The following RNF180 variants were observed in gnomAD, a reference collection of about 807,000 sequenced individuals.
The protein encoded by RNF180 is ring finger protein 180.
A neutral mutation model predicts 59.2 loss-of-function variants in RNF180; 38 were observed. The ratio of observed to expected loss-of-function variants is 0.64; its 90% CI spans 0.50 to 0.84. The LOEUF (loss-of-function observed/expected upper bound fraction) is 0.84, where lower values mean the gene tolerates loss of function less well. RNF180 is among the 40% of genes least tolerant of loss of function. The probability of loss-of-function intolerance (pLI) is 0.00; values close to 1 mark genes in which losing one functional copy is unlikely to be tolerated. For missense variants in RNF180, 705 were observed against 700.9 expected (o/e 1.01, Z -0.07); for synonymous variants, 262 against 240.3 (o/e 1.09, Z -0.84).
chr5:64,293,209 G>C (rs1343547736), intron 5 of RNF180, among the ~76,000 whole-genome samples: 1 of 152,198 alleles, frequency 6.6e-6, no homozygotes, highest in Non-Finnish European at 1.5e-5. Context: ...CCCTTGGCTT[G>C]GGGTAGGTGT....
At chr5:64,187,466 T>C (rs533880222) in intron 1 of RNF180, among the ~76,000 whole-genome samples, 1 of 152,274 alleles carries the variant, frequency 6.6e-6, no homozygotes, top group Non-Finnish European at 1.5e-5. Flanking sequence ...ACTATTGAAG[T>C]TGATTTTATC....
At chr5:64,346,219 A>G (rs568911780) in intron 7 of RNF180, among the ~76,000 whole-genome samples, 122 of 152,096 alleles carry the variant, frequency 8.0e-4, no homozygotes, top group African/African-American at 2.8e-3. Flanking sequence ...GGAAAATTCC[A>G]AGGTCCTCAA....
At chr5:64,280,023 G>A (rs1741928352) in intron 5 of RNF180, among the ~76,000 whole-genome samples, 1 of 152,142 alleles carries the variant, frequency 6.6e-6, no homozygotes, top group Non-Finnish European at 1.5e-5. Context: ...AATCACCTAT[G>A]TATATATGAG....
intron 5 of RNF180, among the ~76,000 whole-genome samples, chr5:64,221,596 G>A (rs1363487396): frequency 6.6e-6 from 1 of 152,120 alleles, no homozygotes; most frequent in Non-Finnish European, 1.5e-5. Context: ...GTGCAGTCAA[G>A]TTAAATAAAT....
intron 5 of RNF180, among the ~76,000 whole-genome samples, chr5:64,289,331 G>C (rs1442069836): frequency 1.3e-5 from 2 of 152,120 alleles, no homozygotes; most frequent in African/African-American, 4.8e-5. Context: ...ATGTTCATCA[G>C]AGATATTGGC....
intron 1 of RNF180, among the ~76,000 whole-genome samples, chr5:64,176,366 G>A (rs1243570093): frequency 2.0e-5 from 3 of 151,594 alleles, no homozygotes; most frequent in African/African-American, 7.3e-5. Context: ...TTTTTCTTAA[G>A]GTTCTGTTAA....
chr5:64,242,223 C>T (rs770563116), intron 5 of RNF180, among the ~76,000 whole-genome samples: 1 of 152,350 alleles, frequency 6.6e-6, no homozygotes, highest in East Asian at 1.9e-4. Context: ...TCTGGCACCC[C>T]AGCACCACCT....
At chr5:64,272,793 T>C (rs749085156) in intron 5 of RNF180, among the ~76,000 whole-genome samples, 4 of 151,982 alleles carry the variant, frequency 2.6e-5, no homozygotes, top group Non-Finnish European at 2.9e-5. Flanking sequence ...CCTAGGGTAC[T>C]AGCTTGTGGA....
chr5:64,176,318 C>T (rs1169852254), intron 1 of RNF180, among the ~76,000 whole-genome samples: 1 of 151,996 alleles, frequency 6.6e-6, no homozygotes, highest in African/African-American at 2.4e-5. Flanking sequence ...GTAATATCCC[C>T]TTTTTCATTT....
In RNF180 at chr5:64,171,827, G is replaced by C. The variant is rs142919337; in HGVS notation, c.-1+5874G>C. ...CCTAAAATTTGTTTTAATTTTTAGA[G>C]GCCTTCTCCACCCCGCCCCCCCACC... On this transcript the variant is annotated intron_variant, in intron 1 of 7. Transcript: ENST00000389100. 5.1e-3 allele frequency among the ~76,000 whole-genome samples: 776 copies of C among 152,228 alleles called. 7 individuals are homozygous for C. Among genetic ancestry groups the C allele is most frequent in the African/African-American group, 0.018 (743 of 41,526 alleles).
At chr5:64,265,991 A>G (rs918634992) in intron 5 of RNF180, among the ~76,000 whole-genome samples, 2 of 152,096 alleles carry the variant, frequency 1.3e-5, no homozygotes, top group Non-Finnish European at 2.9e-5. Flanking sequence ...AATTGTGAAT[A>G]GGAGTTCACT....
At position 64,343,542 on chromosome 5, in the gene RNF180, C is replaced by G. The variant is rs534664622; in HGVS notation, c.1579+13136C>G. On this transcript the variant is annotated intron_variant, in intron 7 of 7. Coordinates refer to ENST00000389100, the MANE Select transcript of RNF180 (RefSeq NM_001113561.2). ...CTAATTAGGATAAATAGAAAGAAAA[C>G]CATATCTAGAGACATCATCTAGAGC... is the stretch of plus-strand genomic sequence containing the variant. Among the ~76,000 whole-genome samples the G allele has an allele frequency of 3.3e-5, 5 of 151,808 alleles. No homozygotes were observed. In the East Asian group the frequency reaches 7.8e-4, roughly 24 times the overall value.
At chr5:64,254,297 A>G (rs1743784680) in intron 5 of RNF180, among the ~76,000 whole-genome samples, 2 of 152,136 alleles carry the variant, frequency 1.3e-5, no homozygotes, top group South Asian at 4.1e-4. Context: ...CAGGATGAAA[A>G]TGAAGATTGT....
intron 7 of RNF180, among the ~76,000 whole-genome samples, chr5:64,340,592 A>G (rs188707677): frequency 6.6e-6 from 1 of 152,352 alleles, no homozygotes; most frequent in Admixed American, 6.5e-5. Flanking sequence ...GTCAGAGAAA[A>G]TTTAAAATAT....
At chr5:64,237,126 G>T (rs1482364482) in intron 5 of RNF180, among the ~76,000 whole-genome samples, 1 of 152,196 alleles carries the variant, frequency 6.6e-6, no homozygotes, top group Non-Finnish European at 1.5e-5. Flanking sequence ...TCCACTGACA[G>T]CTTGCACCTT....
At chr5:64,273,968 A>G (rs973657608) in intron 5 of RNF180, among the ~76,000 whole-genome samples, 1 of 152,064 alleles carries the variant, frequency 6.6e-6, no homozygotes, top group Non-Finnish European at 1.5e-5. Flanking sequence ...GAGAACTGCC[A>G]ATCTAAAAGA....
chr5:64,300,659 G>T (rs1743116516), intron 5 of RNF180, among the ~76,000 whole-genome samples: 1 of 151,634 alleles, frequency 6.6e-6, no homozygotes, highest in Admixed American at 6.6e-5. Flanking sequence ...GCCATTAAGG[G>T]CCAGATCTTG....
intron 5 of RNF180, among the ~76,000 whole-genome samples, chr5:64,221,921 C>G (rs915846662): frequency 6.6e-6 from 1 of 152,042 alleles, no homozygotes; most frequent in African/African-American, 2.4e-5. Flanking sequence ...TTTTATGAAC[C>G]AATATCAATA....
At chr5:64,328,024 A>T (rs1475887000) in intron 6 of RNF180, among the ~76,000 whole-genome samples, 1 of 152,062 alleles carries the variant, frequency 6.6e-6, no homozygotes, top group Non-Finnish European at 1.5e-5. Context: ...AATTTTCCAG[A>T]AGGAGGAGGA....
Sources: gnomAD v4.1 joint callset for allele counts (sites outside exome capture counted in the v4.1 genomes callset) on GRCh38, gnomAD v4.1.1 for gene constraint, MANE v1.5 for transcripts, NCBI Gene and HGNC (gene_info 2026-07-23, HGNC 2026-07-21) for gene names.